MARK3: variants seen among roughly 807,000 people sequenced by gnomAD.
MARK3 encodes the protein microtubule affinity regulating kinase 3.
Under a neutral mutation model 90.1 loss-of-function variants are expected in MARK3, and 46 were observed. The observed-to-expected ratio is 0.51, with a 90% CI of 0.40 to 0.65. MARK3 has a LOEUF of 0.65. Ranked by LOEUF, MARK3 falls within the 30% of genes least tolerant of loss-of-function variation. The probability of loss-of-function intolerance (pLI) is 0.00; values close to 1 mark genes in which losing one functional copy is unlikely to be tolerated. For synonymous variants in MARK3, 321 were observed against 332.6 expected (o/e 0.97, Z 0.38); for missense variants, 818 against 947.2 (o/e 0.86, Z 1.79).
At chr14:103,447,445 G>A (rs17095251) in intron 3 of MARK3, among the ~76,000 whole-genome samples, 2,379 of 152,248 alleles carry the variant, frequency 0.016, 125 homozygotes, top group East Asian at 0.084. Flanking sequence ...CACATAGGCC[G>A]CTGCTTCTCT....
chr14:103,400,224 C>T (rs944673952), intron 1 of MARK3, among the ~76,000 whole-genome samples: 5 of 152,080 alleles, frequency 3.3e-5, no homozygotes, highest in Admixed American at 6.6e-5. Context: ...CCACAGTGCC[C>T]GGCCTCCCCT....
At position 103,503,164 on chromosome 14, in the gene MARK3, A is replaced by G. The variant is rs763946087; in HGVS notation, c.2199A>G (p.Ile733Met). ...LSLNGVRFKR[I>M]SGTSIAFKNI... is the part of the protein sequence containing the mutation. ...TGAACGGGGTCCGGTTTAAGCGGATATCGGGGACATCCATAGCCTTCAAAA... is the reference window on the plus strand; with the variant it reads ...TGAACGGGGTCCGGTTTAAGCGGATGTCGGGGACATCCATAGCCTTCAAAA... Residue 733 changes from isoleucine to methionine, a missense_variant, in exon 18 of 18, where the codon ATA becomes ATG. Around this residue, in one of 3 missense-constraint regions of MARK3, gnomAD observed 560 missense variants for 613.5 expected, o/e 0.91. Transcript: ENST00000429436. The G allele has an allele frequency of 2.5e-6, 4 of 1,614,242 alleles. No homozygotes were observed. In the East Asian group the frequency reaches 8.9e-5, roughly 36 times the overall value.
rs77013768 is a variant in MARK3, at chr14:103,470,059, C to CA, written c.1264+1890dup. Among the ~76,000 whole-genome samples the CA allele has an allele frequency of 3.6e-3, 404 of 111,216 alleles. 1 individual carries two copies. Among genetic ancestry groups the CA allele is most frequent in the Middle Eastern group, 0.015 (3 of 204 alleles). The allele number at this position is 111,216 out of a possible 152,430, so 73.0% of individuals were successfully genotyped here. On this transcript the variant is annotated intron_variant, in intron 12 of 17. Coordinates refer to ENST00000429436, the MANE Select transcript of MARK3 (RefSeq NM_001128918.3). ...CTAGTGACAGAGTGAGAGTCCATCT[C>CA]AAAAAAAAAAAAAAAAATTTGTACT... is the stretch of plus-strand genomic sequence containing the variant.
chr14:103,443,290 T>C (rs1273863096), intron 3 of MARK3, among the ~76,000 whole-genome samples: 1 of 152,206 alleles, frequency 6.6e-6, no homozygotes, highest in East Asian at 1.9e-4. Flanking sequence ...ATACTCTGCC[T>C]CTGTTCAGCT....
chr14:103,426,474 G>T (rs2092408170), intron 2 of MARK3, among the ~76,000 whole-genome samples: 2 of 152,030 alleles, frequency 1.3e-5, no homozygotes, highest in Admixed American at 1.3e-4. Flanking sequence ...TGGGTCTTCT[G>T]GGCCTGTGTC....
At chr14:103,414,923 G>C (rs751075828) in intron 2 of MARK3, among the ~76,000 whole-genome samples, 21 of 152,020 alleles carry the variant, frequency 1.4e-4, no homozygotes, top group Non-Finnish European at 2.4e-4. Context: ...ACAAGGTCAA[G>C]AGATCGAGAC....
intron 2 of MARK3, among the ~76,000 whole-genome samples, chr14:103,427,769 A>G (rs1052161392): frequency 4.6e-5 from 7 of 152,150 alleles, no homozygotes; most frequent in African/African-American, 1.4e-4. Flanking sequence ...ATGCTGATGC[A>G]TTATAATTAG....
intron 2 of MARK3, chr14:103,412,902 T>A: frequency 3.0e-6 from 1 of 329,122 alleles, no homozygotes; most frequent in South Asian, 2.5e-5. Flanking sequence ...GAGACGGAAT[T>A]TCGCTCTTGT....
At chr14:103,439,527 G>T (rs1954985487) in intron 3 of MARK3, among the ~76,000 whole-genome samples, 1 of 152,062 alleles carries the variant, frequency 6.6e-6, no homozygotes, top group African/African-American at 2.4e-5. Context: ...TTGTGCCTCA[G>T]CCTCCTGAGT....
intron 2 of MARK3, among the ~76,000 whole-genome samples, chr14:103,422,454 C>G (rs1595590682): frequency 6.6e-6 from 1 of 152,228 alleles, no homozygotes; most frequent in East Asian, 1.9e-4. Flanking sequence ...GACTCCATTT[C>G]AAAAACAAAA....
At chr14:103,428,073 C>T (rs955545606) in intron 2 of MARK3, among the ~76,000 whole-genome samples, 2 of 152,132 alleles carry the variant, frequency 1.3e-5, no homozygotes, top group Admixed American at 6.5e-5. Flanking sequence ...ACCCTTAATC[C>T]TTAAGAATTG....
intron 12 of MARK3, among the ~76,000 whole-genome samples, chr14:103,468,753 G>T (rs2093567235): frequency 1.3e-5 from 2 of 150,014 alleles, no homozygotes; most frequent in Non-Finnish European, 3.0e-5. Flanking sequence ...CTTACCATTT[G>T]CCCTTCTAGA....
In MARK3 at chr14:103,410,676, G is replaced by A. The variant is rs185358418; in HGVS notation, c.243+5409G>A. 7.2e-4 allele frequency among the ~76,000 whole-genome samples: 109 copies of A among 152,082 alleles called. 1 individual carries two copies. Among genetic ancestry groups the A allele is most frequent in the Non-Finnish European group, 1.3e-4 (9 of 67,992 alleles). ...ATGATTGTACCGCTGTACTCCAGCC[G>A]GGGCAACAGAGGACACTCTCTAAAA... On this transcript the variant is annotated intron_variant, in intron 2 of 17. Coordinates refer to ENST00000429436, the MANE Select transcript of MARK3 (RefSeq NM_001128918.3).
chr14:103,452,564 C>T (rs895037494), intron 5 of MARK3, among the ~76,000 whole-genome samples: 4 of 147,380 alleles, frequency 2.7e-5, no homozygotes, highest in Non-Finnish European at 6.0e-5. Context: ...CTCCGCCTCC[C>T]GGGTTCACGC....
Position 103,428,406 on chromosome 14 carries a change from AC to A in MARK3, c.264del (p.Asp88GlufsTer5). The A allele has an allele frequency of 6.7e-7, 1 of 1,493,002 alleles. No individual in the cohort carries two copies. The highest frequency in any genetic ancestry group is 2.4e-5 in the East Asian group (1 of 41,440). 92.5% of individuals were successfully genotyped at this position (1,493,002 alleles called of 1,614,324 possible). On this transcript the variant is annotated frameshift_variant, in exon 3 of 18. Transcript: ENST00000429436. LOFTEE classifies it high-confidence loss of function. ...TGREVAIKII[D>X]KTQLNPTSLQ... ...TTCTAGGTTGCAATAAAAATAATTG[AC>A]AAAACTCAGTTGAATCCAACAAGTC...
chr14:103,500,248 A>T, intron 17 of MARK3, 48 bp downstream of exon 17: 2 of 1,395,190 alleles, frequency 1.4e-6, no homozygotes, highest in Non-Finnish European at 2.0e-6. Flanking sequence ...TGTTTACTTC[A>T]TTTCTGTGGC....
chr14:103,397,293 T>G (rs2090637655), intron 1 of MARK3, among the ~76,000 whole-genome samples: 2 of 152,036 alleles, frequency 1.3e-5, no homozygotes, highest in South Asian at 4.1e-4. Context: ...ATGCCTACCA[T>G]ATAGTTGACT....
At position 103,428,508 on chromosome 14, in the gene MARK3, C is replaced by T. The variant is rs185325280; in HGVS notation, c.297+68C>T. On this transcript the variant is annotated intron_variant, in intron 3 of 17. Coordinates refer to ENST00000429436, the MANE Select transcript of MARK3 (RefSeq NM_001128918.3). ...GTGCTAATTGCCATCTAATTTGTCC[C>T]TTAAATACCCCAACTGTTATTTTAT... 194 of 826,574 alleles carry T rather than the reference C, an allele frequency of 2.3e-4. 1 individual carries two copies. In the African/African-American group the frequency reaches 3.0e-3, roughly 13 times the overall value. 51.2% of individuals were successfully genotyped at this position (826,574 alleles called of 1,614,324 possible). A position where few individuals can be genotyped will look rare whatever the true frequency, so the allele number is the denominator to read the frequency against.
At chr14:103,427,170 T>TC (rs1397704415) in intron 2 of MARK3, among the ~76,000 whole-genome samples, 110 of 151,364 alleles carry the variant, frequency 7.3e-4, no homozygotes, top group Non-Finnish European at 1.4e-3. Flanking sequence ...TTTTCTTTTT[T>TC]TTTTTTCTTT....
Sources: allele counts gnomAD v4.1 joint callset (sites outside exome capture counted in the v4.1 genomes callset), GRCh38; gene constraint gnomAD v4.1.1; regional missense constraint gnomAD v4.1.1; transcripts MANE v1.5; gene names NCBI Gene and HGNC (gene_info 2026-07-23, HGNC 2026-07-21).